FOXN3: variants seen among roughly 807,000 people sequenced by gnomAD.
FOXN3 encodes forkhead box protein N3.
FOXN3 carries 7 observed loss-of-function variants against 38.4 expected under a neutral mutation model. The observed-to-expected ratio is 0.18, with a 90% CI of 0.10 to 0.34. The LOEUF is 0.34. Among genes scored for constraint, FOXN3 ranks in the 10% least tolerant of loss-of-function variants. The pLI, the probability that FOXN3 is intolerant of heterozygous loss-of-function variation, is 1.00. For missense variants in FOXN3, 456 were observed against 613.4 expected, an observed-to-expected ratio of 0.74 and a Z score of 2.71; for synonymous variants, 230 against 242.2, an observed-to-expected ratio of 0.95 and a Z score of 0.47.
chr14:89,516,723 G>A (rs145013214), intron 1 of FOXN3, among the ~76,000 whole-genome samples: 18 of 152,030 alleles, frequency 1.2e-4, no homozygotes, highest in Admixed American at 6.6e-4. Flanking sequence ...CACCACGCCT[G>A]GCTAATTTTT....
intron 1 of FOXN3, among the ~76,000 whole-genome samples, chr14:89,450,172 C>T (rs1459770432): frequency 1.3e-5 from 2 of 152,222 alleles, no homozygotes; most frequent in Admixed American, 1.3e-4. Context: ...ACACTCTCTG[C>T]TCTTGCAAGT....
intron 2 of FOXN3, among the ~76,000 whole-genome samples, chr14:89,405,621 A>G (rs1891367676): frequency 6.6e-6 from 1 of 152,142 alleles, no homozygotes; most frequent in East Asian, 1.9e-4. Flanking sequence ...GAGCCTGGAA[A>G]CCGGAAGCTG....
chr14:89,224,901 C>T (rs981743029), intron 4 of FOXN3, among the ~76,000 whole-genome samples: 2 of 151,956 alleles, frequency 1.3e-5, no homozygotes, highest in South Asian at 2.1e-4. Context: ...GAGGCCGAGG[C>T]GGGCGGATCA....
rs550121698 is a variant in FOXN3, at chr14:89,387,265, A to G, written c.543+24669T>C. Among the ~76,000 whole-genome samples, 7 of 152,260 alleles carry G rather than the reference A, an allele frequency of 4.6e-5. No homozygotes were observed. The East Asian group carries it at 1.4e-3, about 29-fold the overall frequency. On this transcript the variant is annotated intron_variant, in intron 2 of 5. Coordinates refer to ENST00000557258, the MANE Select transcript of FOXN3 (RefSeq NM_005197.4). ...AGCAAAATTCTGTCTCAATCAATCA[A>G]TCAATCAATCAATAAACAAACCAAC...
intron 1 of FOXN3, among the ~76,000 whole-genome samples, chr14:89,513,642 T>G (rs558358406): frequency 1.3e-5 from 2 of 152,172 alleles, no homozygotes; most frequent in Non-Finnish European, 2.9e-5. Flanking sequence ...TTGCCCAGGC[T>G]GGAGTGCAAT....
chr14:89,432,572 A>G (rs1013517340), intron 1 of FOXN3, among the ~76,000 whole-genome samples: 1 of 152,200 alleles, frequency 6.6e-6, no homozygotes, highest in South Asian at 2.1e-4. Flanking sequence ...CAAGGCTTCA[A>G]GAAGCTCACT....
chr14:89,379,655 C>T (rs1288619094), intron 2 of FOXN3, among the ~76,000 whole-genome samples: 1 of 151,940 alleles, frequency 6.6e-6, no homozygotes, highest in African/African-American at 2.4e-5. Context: ...TTTTATTTTT[C>T]ATTATTATTA....
chr14:89,298,472 T>TAAAAAAAAA (rs55856005), intron 3 of FOXN3, among the ~76,000 whole-genome samples: 5 of 123,586 alleles, frequency 4.0e-5, no homozygotes, highest in Non-Finnish European at 6.7e-5. Flanking sequence ...TCCGTCTATT[T>TAAAAAAAAA]AAAAAAAAAA....
chr14:89,291,329 C>A, intron 3 of FOXN3: 1 of 543,440 alleles, frequency 1.8e-6, no homozygotes, highest in South Asian at 1.5e-5. Context: ...GGTTGTTGGT[C>A]ATGAGATGCC....
intron 1 of FOXN3, among the ~76,000 whole-genome samples, chr14:89,544,581 A>G (rs912305708): frequency 3.3e-5 from 5 of 152,132 alleles, no homozygotes; most frequent in Admixed American, 2.0e-4. Context: ...GCCAGGCCTT[A>G]TTTGGAATAC....
chr14:89,417,725 C>G (rs990621306), upstream of FOXN3: 1 of 455,918 alleles, frequency 2.2e-6, no homozygotes, highest in African/African-American at 2.0e-5. Flanking sequence ...CCACGTCTCC[C>G]CAGTGCTGCG....
chr14:89,317,248 G>A (rs1418115132), intron 3 of FOXN3, among the ~76,000 whole-genome samples: 1 of 152,220 alleles, frequency 6.6e-6, no homozygotes, highest in Non-Finnish European at 1.5e-5. Flanking sequence ...TGGCACAGCT[G>A]TTTTACATTC....
intron 1 of FOXN3, among the ~76,000 whole-genome samples, chr14:89,617,265 TG>T (rs1896512190): frequency 6.6e-6 from 1 of 152,276 alleles, no homozygotes; most frequent in Non-Finnish European, 1.5e-5. Flanking sequence ...AAGATGTTCA[TG>T]GGCTTTACAG....
chr14:89,359,105 A>G (rs2005880), intron 2 of FOXN3, among the ~76,000 whole-genome samples: 151,237 of 152,172 alleles, frequency 0.99, 75,163 homozygotes, highest in Middle Eastern at 1. Flanking sequence ...AGACCAGCCT[A>G]GTCAACATGG....
At chr14:89,188,865 C>T (rs1566924746) in intron 4 of FOXN3, among the ~76,000 whole-genome samples, 1 of 152,000 alleles carries the variant, frequency 6.6e-6, no homozygotes, top group Non-Finnish European at 1.5e-5. Context: ...AATTTAAAAA[C>T]ATATACATTT....
At chr14:89,369,677 T>C (rs1351560234) in intron 2 of FOXN3, among the ~76,000 whole-genome samples, 1 of 152,132 alleles carries the variant, frequency 6.6e-6, no homozygotes, top group Non-Finnish European at 1.5e-5. Flanking sequence ...AGAGAGCTTG[T>C]GTAGGGAAAC....
intron 2 of FOXN3, among the ~76,000 whole-genome samples, chr14:89,371,233 C>T (rs941409726): frequency 6.6e-6 from 1 of 152,052 alleles, no homozygotes; most frequent in African/African-American, 2.4e-5. Flanking sequence ...GAAAGTGGCC[C>T]GGGGAGGAAG....
intron 1 of FOXN3, among the ~76,000 whole-genome samples, chr14:89,444,521 A>G (rs1046322538): frequency 3.9e-5 from 6 of 152,080 alleles, no homozygotes; most frequent in Non-Finnish European, 8.8e-5. Context: ...TTTGATTTCT[A>G]ATCACAAGTA....
At chr14:89,593,632 T>C (rs951095902) in intron 1 of FOXN3, among the ~76,000 whole-genome samples, 1 of 152,238 alleles carries the variant, frequency 6.6e-6, no homozygotes, top group Non-Finnish European at 1.5e-5. Flanking sequence ...AAAATGATCT[T>C]AGAGGGTTTT....
Sources: allele counts gnomAD v4.1 joint callset (sites outside exome capture counted in the v4.1 genomes callset), GRCh38; gene constraint gnomAD v4.1.1; transcripts MANE v1.5; gene names NCBI Gene and HGNC (gene_info 2026-07-23, HGNC 2026-07-21).